The following DNAH12 variants were observed in gnomAD, a reference collection of about 807,000 sequenced individuals.
The protein encoded by DNAH12 is axonemal beta dynein heavy chain 12.
DNAH12 carries 285 observed loss-of-function variants against 371.5 expected under a neutral mutation model. That is an observed-to-expected ratio of 0.77 (90% CI 0.70 to 0.85). The LOEUF (loss-of-function observed/expected upper bound fraction) is 0.85, where lower values mean the gene tolerates loss of function less well. Ranked by LOEUF, DNAH12 falls within the 40% of genes least tolerant of loss-of-function variation. The probability of loss-of-function intolerance (pLI) is 0.00; values close to 1 mark genes in which losing one functional copy is unlikely to be tolerated. For synonymous variants in DNAH12, 1,200 were observed against 1,213.0 expected, an observed-to-expected ratio of 0.99 and a Z score of 0.22; for missense variants, 3,611 against 3,689.4, an observed-to-expected ratio of 0.98 and a Z score of 0.55.
At chr3:57,392,771 GAA>G (rs1352117433) in intron 44 of DNAH12, among the ~76,000 whole-genome samples, 1 of 152,160 alleles carries the variant, frequency 6.6e-6, no homozygotes, top group African/African-American at 2.4e-5. Context: ...TGAAGCAATG[GAA>G]AAGTTTAGTA....
chr3:57,547,123 G>T (rs2069586524), upstream of DNAH12, among the ~76,000 whole-genome samples: 1 of 151,808 alleles, frequency 6.6e-6, no homozygotes, highest in Non-Finnish European at 1.5e-5. Flanking sequence ...ACAGACCATG[G>T]ACTTGGTTAA....
At chr3:57,328,306 C>T (rs1261143190) in intron 62 of DNAH12, among the ~76,000 whole-genome samples, 1 of 151,444 alleles carries the variant, frequency 6.6e-6, no homozygotes, top group Non-Finnish European at 1.5e-5. Flanking sequence ...ATGCAAAAAT[C>T]CTCAATAAAA....
chr3:57,317,465 C>T (rs1242265880), intron 65 of DNAH12, among the ~76,000 whole-genome samples: 2 of 152,148 alleles, frequency 1.3e-5, no homozygotes, highest in Admixed American at 6.5e-5. Context: ...TGGAATCATA[C>T]AGCATTTCTC....
chr3:57,322,394 A>G lies in DNAH12; in HGVS notation c.10473T>C (p.Thr3491=). The change falls in exon 65 of 74, where the codon ACT becomes ACC. Residue 3491 remains threonine, a synonymous_variant. Coordinates refer to ENST00000495027, the MANE Select transcript of DNAH12 (RefSeq NM_001366028.2). ...LRLNLLQSYL[T]DPVSDPEFFK... is the part of the protein sequence containing the mutation. ...AAAACTCAGGATCAGAAACTGGATC[A>G]GTGAGATATGATTGAAGGAGATTCA... 1 of 1,552,124 alleles carries G rather than the reference A, an allele frequency of 6.4e-7. No individual in the cohort carries two copies.
intron 59 of DNAH12, among the ~76,000 whole-genome samples, chr3:57,353,295 T>G (rs1190709385): frequency 6.6e-6 from 1 of 151,382 alleles, no homozygotes; most frequent in Non-Finnish European, 1.5e-5. Context: ...GTTTGGCACT[T>G]TATTTTTTTT....
intron 35 of DNAH12, among the ~76,000 whole-genome samples, chr3:57,424,791 A>T (rs1449175658): frequency 3.2e-5 from 1 of 31,416 alleles, no homozygotes; most frequent in Non-Finnish European, 5.3e-5. Context: ...CCCTGTCTCC[A>T]AAAAAAAAAA....
chr3:57,509,058 G>T, intron 6 of DNAH12, 82 bp downstream of exon 6: 1 of 1,202,024 alleles, frequency 8.3e-7, no homozygotes, highest in Non-Finnish European at 1.2e-6. Flanking sequence ...CATCACAATT[G>T]TATACTTGAA....
chr3:57,478,103 G>A (rs1559701915), intron 13 of DNAH12, among the ~76,000 whole-genome samples: 1 of 152,176 alleles, frequency 6.6e-6, no homozygotes, highest in Non-Finnish European at 1.5e-5. Flanking sequence ...AGAGAAGAAG[G>A]CTTCAGATGA....
At chr3:57,369,295 T>TTGTG (rs1190573768) in intron 55 of DNAH12, among the ~76,000 whole-genome samples, 1 of 142,988 alleles carries the variant, frequency 7.0e-6, no homozygotes, top group Admixed American at 7.1e-5. Flanking sequence ...TAATATAGAA[T>TTGTG]TTTAATTATA....
rs764968591 is a variant in DNAH12, at chr3:57,507,845, A to G, written c.702-7T>C. On this transcript the variant is annotated splice_polypyrimidine_tract_variant and splice_region_variant and intron_variant, in intron 7 of 73. Coordinates refer to ENST00000495027, the MANE Select transcript of DNAH12 (RefSeq NM_001366028.2). ...GTCAATTGGACCTTTAGCTCTATTT[A>G]TGAGAAAAAGAAATGTGATTTGAAG... 22 of 1,559,198 alleles carry G rather than the reference A, an allele frequency of 1.4e-5. No homozygotes were observed. In the South Asian group the frequency reaches 2.5e-4, roughly 18 times the overall value.
At chr3:57,423,760 G>C (rs1290962205) in intron 35 of DNAH12, among the ~76,000 whole-genome samples, 1 of 152,104 alleles carries the variant, frequency 6.6e-6, no homozygotes, top group Non-Finnish European at 1.5e-5. Flanking sequence ...CCCTACCTGA[G>C]GCCTCCATGG....
intron 25 of DNAH12, among the ~76,000 whole-genome samples, chr3:57,449,511 C>T (rs188342571): frequency 2.6e-5 from 4 of 152,192 alleles, no homozygotes; most frequent in Admixed American, 6.5e-5. Flanking sequence ...AGCTAAGGCC[C>T]GGTGAGAAAT....
chr3:57,510,826 A>T lies in DNAH12; in HGVS notation c.433T>A (p.Ser145Thr). 6.2e-7 allele frequency: 1 copy of T among 1,614,014 alleles called. No homozygotes were observed. The highest frequency in any genetic ancestry group is 8.5e-7 in the Non-Finnish European group (1 of 1,180,010). Residue 145 changes from serine (S) to threonine (T), a missense_variant, in exon 5 of 74, where the codon TCA becomes ACA. Around this residue, in one of 3 missense-constraint regions of DNAH12, gnomAD observed 1,314 missense variants for 1,398.7 expected, o/e 0.94. Coordinates refer to ENST00000495027, the MANE Select transcript of DNAH12 (RefSeq NM_001366028.2). The stretch of plus-strand genomic sequence containing the variant: ...TTCATGCTGTTTTCAAAGTCACTTG[A>T]CACCTCATTTATGAGACTTTCAAGA... ...ELLESLINEV[S>T]SDFENSMKRY...
intron 60 of DNAH12, among the ~76,000 whole-genome samples, chr3:57,346,659 G>A (rs2062549872): frequency 6.6e-6 from 1 of 152,116 alleles, no homozygotes; most frequent in Admixed American, 6.5e-5. Context: ...TTAAAAGACA[G>A]GTTGTCAGAG....
chr3:57,348,831 T>G (rs2062605598), intron 60 of DNAH12, among the ~76,000 whole-genome samples: 1 of 152,218 alleles, frequency 6.6e-6, no homozygotes, highest in Non-Finnish European at 1.5e-5. Context: ...TCATCAAAAC[T>G]TCAGTGCATT....
At chr3:57,471,644 T>C (rs1470665034) in intron 14 of DNAH12, 38 bp from the exon 15 acceptor site, 7 of 1,472,940 alleles carry the variant, frequency 4.8e-6, no homozygotes, top group Non-Finnish European at 6.3e-6. Flanking sequence ...AGTTAATCTG[T>C]AACAAAGAAT....
intron 66 of DNAH12, among the ~76,000 whole-genome samples, chr3:57,311,461 T>C (rs1304934930): frequency 6.6e-6 from 1 of 152,230 alleles, no homozygotes; most frequent in Non-Finnish European, 1.5e-5. Context: ...GAGAAAAACA[T>C]TTAATAAAAA....
intron 55 of DNAH12, among the ~76,000 whole-genome samples, chr3:57,368,880 A>T (rs2063106738): frequency 6.6e-6 from 1 of 152,064 alleles, no homozygotes; most frequent in African/African-American, 2.4e-5. Context: ...TTTCTCTTGT[A>T]TTCAGTACAG....
chr3:57,315,352 C>G (rs769481617), intron 65 of DNAH12, among the ~76,000 whole-genome samples: 3 of 151,304 alleles, frequency 2.0e-5, no homozygotes, highest in Non-Finnish European at 2.9e-5. Context: ...TGCAAGTACA[C>G]TATGCTTTAC....
Sources: allele counts gnomAD v4.1 joint callset (sites outside exome capture counted in the v4.1 genomes callset), GRCh38; gene constraint gnomAD v4.1.1; regional missense constraint gnomAD v4.1.1; transcripts MANE v1.5; gene names NCBI Gene and HGNC (gene_info 2026-07-23, HGNC 2026-07-21).